CLSTN2: variants seen among roughly 807,000 people sequenced by gnomAD.
CLSTN2 encodes calsyntenin 2.
CLSTN2 carries 48 observed loss-of-function variants against 101.2 expected under a neutral mutation model. That is an observed-to-expected ratio of 0.47 (90% confidence interval 0.38 to 0.60). CLSTN2 has a LOEUF of 0.60. Among genes scored for constraint, CLSTN2 ranks in the 20% least tolerant of loss-of-function variants. The probability of loss-of-function intolerance (pLI) is 0.00; values close to 1 mark genes in which losing one functional copy is unlikely to be tolerated. For synonymous variants in CLSTN2, 481 were observed against 463.6 expected (o/e 1.04, Z -0.48); for missense variants, 1,160 against 1,238.2 (o/e 0.94, Z 0.95).
intron 8 of CLSTN2, among the ~76,000 whole-genome samples, chr3:140,502,824 A>G (rs1488081742): frequency 3.3e-5 from 5 of 152,232 alleles, no homozygotes; most frequent in Non-Finnish European, 7.3e-5. Context: ...GTGTTGAGCA[A>G]GATGAGTGTG....
At chr3:140,043,369 T>C (rs930104168) in intron 1 of CLSTN2, among the ~76,000 whole-genome samples, 2 of 152,074 alleles carry the variant, frequency 1.3e-5, no homozygotes, top group African/African-American at 4.8e-5. Flanking sequence ...GTTGATGGGG[T>C]TGTTTATTTT....
At chr3:140,037,136 T>G (rs2007670067) in intron 1 of CLSTN2, among the ~76,000 whole-genome samples, 1 of 152,192 alleles carries the variant, frequency 6.6e-6, no homozygotes, top group African/African-American at 2.4e-5. Context: ...TTAAACCTTC[T>G]TAATTATTGT....
At chr3:140,200,554 C>T (rs1294009903) in intron 2 of CLSTN2, among the ~76,000 whole-genome samples, 4 of 152,072 alleles carry the variant, frequency 2.6e-5, no homozygotes, top group Admixed American at 2.6e-4. Context: ...AAAAAATATG[C>T]CAGGGATGTG....
intron 2 of CLSTN2, among the ~76,000 whole-genome samples, chr3:140,265,483 G>A (rs1354144217): frequency 6.6e-6 from 1 of 152,086 alleles, no homozygotes. Context: ...AGCTGTACGT[G>A]GGCTGTCAGA....
chr3:140,531,303 G>A (rs1935250495), intron 8 of CLSTN2, among the ~76,000 whole-genome samples: 1 of 152,086 alleles, frequency 6.6e-6, no homozygotes, highest in African/African-American at 2.4e-5. Flanking sequence ...CATGAGACAG[G>A]ACAATATAAA....
chr3:140,546,023 A>G (rs563574821), intron 9 of CLSTN2, among the ~76,000 whole-genome samples: 1 of 152,350 alleles, frequency 6.6e-6, no homozygotes, highest in Non-Finnish European at 1.5e-5. Context: ...GAGGTCAGAC[A>G]GACCAGAACT....
chr3:140,507,044 G>A (rs371902008), intron 8 of CLSTN2: 1 of 152,156 alleles, frequency 6.6e-6, no homozygotes, highest in Non-Finnish European at 1.5e-5. Flanking sequence ...AGTCACACTG[G>A]TCCAGATGGG....
intron 2 of CLSTN2, among the ~76,000 whole-genome samples, chr3:140,341,959 C>G (rs541917025): frequency 4.6e-5 from 7 of 152,252 alleles, no homozygotes; most frequent in Admixed American, 1.3e-4. Context: ...AGGCAAGGTT[C>G]AGTGAGGACA....
At chr3:140,189,240 A>G (rs571213580) in intron 2 of CLSTN2, among the ~76,000 whole-genome samples, 5 of 152,334 alleles carry the variant, frequency 3.3e-5, no homozygotes, top group South Asian at 2.1e-4. Flanking sequence ...TTGTGTGAAC[A>G]TAAGTCTTTA....
chr3:140,053,363 T>C (rs2008038090), intron 1 of CLSTN2, among the ~76,000 whole-genome samples: 1 of 152,238 alleles, frequency 6.6e-6, no homozygotes, highest in Admixed American at 6.5e-5. Flanking sequence ...GTTCCAATTC[T>C]GGTTCTCCGG....
chr3:139,944,433 C>G (rs374239041), intron 1 of CLSTN2, among the ~76,000 whole-genome samples: 1 of 152,188 alleles, frequency 6.6e-6, no homozygotes, highest in Admixed American at 6.5e-5. Flanking sequence ...TTTCTGGTGC[C>G]CAGCCAAGAC....
chr3:140,528,562 A>G (rs1365115950), intron 8 of CLSTN2, among the ~76,000 whole-genome samples: 1 of 151,910 alleles, frequency 6.6e-6, no homozygotes, highest in Non-Finnish European at 1.5e-5. Flanking sequence ...ACGTGCATTT[A>G]GTAAATGTCT....
intron 1 of CLSTN2, among the ~76,000 whole-genome samples, chr3:140,060,176 A>T (rs1011102209): frequency 3.3e-5 from 5 of 152,224 alleles, no homozygotes; most frequent in African/African-American, 1.2e-4. Flanking sequence ...TTGCATCGTT[A>T]TGCCTTTGTT....
chr3:140,212,887 C>T lies in CLSTN2; in HGVS notation c.232+36814C>T, dbSNP rs77627057. 7.6e-3 allele frequency among the ~76,000 whole-genome samples: 1,155 copies of T among 152,332 alleles called. 13 individuals carry two copies. Among genetic ancestry groups the T allele is most frequent in the African/African-American group, 0.026 (1,074 of 41,568 alleles). On this transcript the variant is annotated intron_variant, in intron 2 of 16. Coordinates refer to ENST00000458420, the MANE Select transcript of CLSTN2 (RefSeq NM_022131.3). ...CTGTGTGCCCCCTCACAGTGCCCTT[C>T]ATTCCCTGTTGTGATTGCTGGCTCT...
At chr3:140,175,778 G>A (rs148813211) in intron 1 of CLSTN2, among the ~76,000 whole-genome samples, 173 bp from the exon 2 acceptor site, 286 of 152,220 alleles carry the variant, frequency 1.9e-3, no homozygotes, top group Admixed American at 4.6e-3. Context: ...ACCTCTTCCC[G>A]CACTTCTCTG....
chr3:140,112,350 A>AGT (rs200761645), intron 1 of CLSTN2, among the ~76,000 whole-genome samples: 272 of 131,520 alleles, frequency 2.1e-3, no homozygotes, highest in East Asian at 0.011. Flanking sequence ...AAATATTAAA[A>AGT]GTGTGTGTGT....
chr3:140,442,210 A>G (rs1423880719), intron 5 of CLSTN2, among the ~76,000 whole-genome samples: 2 of 151,972 alleles, frequency 1.3e-5, no homozygotes, highest in African/African-American at 2.4e-5. Context: ...CTCACTTTTC[A>G]TATGCACTCC....
chr3:140,242,498 TTC>T (rs1177889756), intron 2 of CLSTN2, among the ~76,000 whole-genome samples: 1 of 152,166 alleles, frequency 6.6e-6, no homozygotes, highest in African/African-American at 2.4e-5. Context: ...TGAGCCCCTG[TTC>T]TCTGAGTTCA....
At chr3:140,560,580 C>A (rs1283544249) in intron 12 of CLSTN2, among the ~76,000 whole-genome samples, 2 of 64 alleles carry the variant, frequency 0.031, no homozygotes, top group East Asian at 0.5. Flanking sequence ...TTAAACCAGA[C>A]CAGGAGGACC....
Sources: gnomAD v4.1 joint callset for allele counts (sites outside exome capture counted in the v4.1 genomes callset) on GRCh38, gnomAD v4.1.1 for gene constraint, MANE v1.5 for transcripts, NCBI Gene and HGNC (gene_info 2026-07-23, HGNC 2026-07-21) for gene names.